HECTD4: variants seen among roughly 807,000 people sequenced by gnomAD.
HECTD4 encodes the protein HECT domain E3 ubiquitin protein ligase 4, also known as probable E3 ubiquitin-protein ligase HECTD4.
HECTD4 carries 114 observed loss-of-function variants against 471.5 expected under a neutral mutation model. That is an observed-to-expected ratio of 0.24 (90% CI 0.21 to 0.28). The LOEUF (loss-of-function observed/expected upper bound fraction) is 0.28. Among genes scored for constraint, HECTD4 ranks in the 10% least tolerant of loss-of-function variants. HECTD4 has a pLI of 1.00. For synonymous variants in HECTD4, 2,012 were observed against 2,256.0 expected (o/e 0.89, Z 3.07); for missense variants, 3,866 against 5,651.5 (o/e 0.68, Z 10.13).
At chr12:112,264,389 C>T (rs1209783515) in intron 16 of HECTD4, among the ~76,000 whole-genome samples, 177 bp from the exon 17 acceptor site, 1 of 152,142 alleles carries the variant, frequency 6.6e-6, no homozygotes, top group African/African-American at 2.4e-5. Context: ...TACTTTGACA[C>T]ACTTACTATA....
intron 52 of HECTD4, among the ~76,000 whole-genome samples, chr12:112,205,645 G>A (rs2032556471): frequency 6.6e-6 from 1 of 151,724 alleles, no homozygotes; most frequent in African/African-American, 2.4e-5. Flanking sequence ...AGGCTGGAGT[G>A]CAGTGGTGCA....
At chr12:112,249,310 C>G (rs1000842913) in intron 25 of HECTD4, among the ~76,000 whole-genome samples, 1 of 149,096 alleles carries the variant, frequency 6.7e-6, no homozygotes, top group African/African-American at 2.5e-5. Context: ...GCCAAGATCA[C>G]ATCACTGCAC....
At chr12:112,326,880 A>G (rs966829936) in intron 1 of HECTD4, among the ~76,000 whole-genome samples, 3 of 152,172 alleles carry the variant, frequency 2.0e-5, no homozygotes, top group African/African-American at 4.8e-5. Context: ...TATATATACA[A>G]ATATATATTT....
In HECTD4 at chr12:112,193,376, G is replaced by A; in HGVS notation, c.8955+93C>T. 2 of 1,364,852 alleles carry A rather than the reference G, an allele frequency of 1.5e-6. No homozygotes were observed. The highest frequency in any genetic ancestry group is 2.0e-6 in the Non-Finnish European group (2 of 980,418). 84.5% of individuals were successfully genotyped at this position (1,364,852 alleles called of 1,614,324 possible). On this transcript the variant is annotated intron_variant, in intron 57 of 75. Coordinates refer to ENST00000682272, the MANE Select transcript of HECTD4 (RefSeq NM_001388303.1). The surrounding 1 kb of genome is among the most constrained non-coding windows in gnomAD (Gnocchi z 5.2). Reference sequence around the variant, plus strand: ...AGGAAATCGAGAGGAATAGGGACTTGGAAGGGAAAGGGGAGTCATTTTCAG... The same window carrying A: ...AGGAAATCGAGAGGAATAGGGACTTAGAAGGGAAAGGGGAGTCATTTTCAG...
intron 7 of HECTD4, among the ~76,000 whole-genome samples, chr12:112,284,398 G>A (rs1264610508): frequency 6.6e-6 from 1 of 152,188 alleles, no homozygotes; most frequent in East Asian, 1.9e-4. Context: ...GGGAATGGGA[G>A]TGCAAAGTGG....
chr12:112,277,708 C>T (rs1008437016), intron 9 of HECTD4, among the ~76,000 whole-genome samples: 1 of 152,216 alleles, frequency 6.6e-6, no homozygotes, highest in African/African-American at 2.4e-5. Flanking sequence ...AGAGAATACT[C>T]TCCATCTCTT....
rs78244729 is a variant in HECTD4 at position 112,258,373 on chromosome 12, T to C, written c.3128+123A>G. ...CTACAGTTATCTAAAATTTTCATTC[T>C]GAAGTCTTTTTCTTTTCACAGCTAG... On this transcript the variant is annotated intron_variant, in intron 20 of 75. Transcript: ENST00000682272. 358 of 623,070 alleles carry C rather than the reference T, an allele frequency of 5.7e-4. 5 individuals carry two copies. The East Asian group carries it at 0.011, about 19-fold the overall frequency. 38.6% of individuals were successfully genotyped at this position (623,070 alleles called of 1,614,324 possible).
rs528032796 is a variant in HECTD4 at position 112,302,519 on chromosome 12, G to A, written c.1335+3545C>T. The A allele has an allele frequency of 6.8e-6, 5 of 731,520 alleles. No homozygotes were observed. In the East Asian group the frequency reaches 7.5e-5, roughly 11 times the overall value. 45.3% of individuals were successfully genotyped at this position (731,520 alleles called of 1,614,324 possible). A position where few individuals can be genotyped will look rare whatever the true frequency, so the allele number is the denominator to read the frequency against. ...GCGGGCCATTTCACAAAGTAGGTGA[G>A]TTCTCTTTTGGGCTGGATGTCCTGT... On this transcript the variant is annotated intron_variant, in intron 7 of 75. Transcript: ENST00000682272.
Position 112,221,382 on chromosome 12 carries a change from G to A in HECTD4, c.6971-1893C>T, listed in dbSNP as rs544811537. ...TCCCACCTCAGCCTCCCGAGTAGCT[G>A]GGACTACAAGTATCTACCACCATGC... On this transcript the variant is annotated intron_variant, in intron 44 of 75. Coordinates refer to ENST00000682272, the MANE Select transcript of HECTD4 (RefSeq NM_001388303.1). 1.1e-3 allele frequency among the ~76,000 whole-genome samples: 172 copies of A among 152,162 alleles called. 1 individual carries two copies. In the South Asian group the frequency reaches 0.015, roughly 13 times the overall value.
chr12:112,171,124 C>T lies in HECTD4; in HGVS notation c.11925G>A (p.Glu3975=), dbSNP rs770265926. 3 of 1,613,022 alleles carry T rather than the reference C, an allele frequency of 1.9e-6. No individual in the cohort carries two copies. Among genetic ancestry groups the T allele is most frequent in the South Asian group, 2.2e-5 (2 of 90,830 alleles). ...YTHSIAALLK[E]AKGLIFYDTK... is the part of the protein sequence containing the mutation. ...GCAGGTGCAGGCACTGACCTTTGGCCTCCTTCAGCAGGGCGGCGATGCTGT... is the reference window on the plus strand; with the variant it reads ...GCAGGTGCAGGCACTGACCTTTGGCTTCCTTCAGCAGGGCGGCGATGCTGT... Residue 3975 remains glutamate, a synonymous_variant, in exon 68 of 76, where the codon GAG becomes GAA. Coordinates refer to ENST00000682272, the MANE Select transcript of HECTD4 (RefSeq NM_001388303.1).
In HECTD4 at chr12:112,250,133, C is replaced by G. The variant is rs1384177536; in HGVS notation, c.3950+11G>C. 5 of 1,591,260 alleles carry G rather than the reference C, an allele frequency of 3.1e-6. No individual in the cohort carries two copies. The highest frequency in any genetic ancestry group is 1.7e-5 in the Admixed American group (1 of 59,302). ...CCATTGGGAAAAGTAAAACACTACA[C>G]AGCAACATACTTTATACTTGGTCTA... On this transcript the variant is annotated intron_variant, in intron 25 of 75. Coordinates refer to ENST00000682272, the MANE Select transcript of HECTD4 (RefSeq NM_001388303.1).
chr12:112,381,920 C>G lies in HECTD4; in HGVS notation c.177+32G>C, dbSNP rs2135778765. The G allele has an allele frequency of 8.2e-7, 1 of 1,218,896 alleles. No homozygotes were observed. Among genetic ancestry groups the G allele is most frequent in the East Asian group, 3.2e-5 (1 of 30,926 alleles). 75.5% of individuals were successfully genotyped at this position (1,218,896 alleles called of 1,614,324 possible). A position where few individuals can be genotyped will look rare whatever the true frequency, so the allele number is the denominator to read the frequency against. ...GGGGTGCCGGGCGAGTGGGTCAGTCCGATGGCGGGGGCCGGGGGCCGCCTC... is the reference window on the plus strand; with the variant it reads ...GGGGTGCCGGGCGAGTGGGTCAGTCGGATGGCGGGGGCCGGGGGCCGCCTC... On this transcript the variant is annotated intron_variant, in intron 1 of 75. Coordinates refer to ENST00000682272, the MANE Select transcript of HECTD4 (RefSeq NM_001388303.1). This position sits in a 1 kb window ranked among gnomAD's most constrained non-coding sequence, Gnocchi z 4.1.
At chr12:112,347,930 C>T (rs1331781246) in intron 1 of HECTD4, among the ~76,000 whole-genome samples, 1 of 152,168 alleles carries the variant, frequency 6.6e-6, no homozygotes, top group Admixed American at 6.5e-5. Context: ...GAATTCCATG[C>T]TTGAGCTTTT....
intron 7 of HECTD4, among the ~76,000 whole-genome samples, chr12:112,299,651 CAAACAAAGT>C (rs1408332224): frequency 6.8e-6 from 1 of 147,334 alleles, no homozygotes; most frequent in African/African-American, 2.5e-5. Context: ...AACAAACAAA[CAAACAAAGT>C]AAACTAAGAC....
chr12:112,310,428 C>T (rs1412052208), intron 4 of HECTD4, among the ~76,000 whole-genome samples: 2 of 152,156 alleles, frequency 1.3e-5, no homozygotes, highest in Non-Finnish European at 2.9e-5. Context: ...AAAACAGTAT[C>T]TCTCTATATG....
Position 112,259,236 on chromosome 12 carries a change from G to A in HECTD4, c.2903C>T (p.Ala968Val), listed in dbSNP as rs536169533. 1 of 1,613,908 alleles carries A rather than the reference G, an allele frequency of 6.2e-7. No homozygotes were observed. Among genetic ancestry groups the A allele is most frequent in the African/African-American group, 1.3e-5 (1 of 75,066 alleles). ...TGGAAGAAGGTGACCAAGCATAGTAGCCTTAGTAACTTGTTCCAAGCCTTT... is the reference window on the plus strand; with the variant it reads ...TGGAAGAAGGTGACCAAGCATAGTAACCTTAGTAACTTGTTCCAAGCCTTT... ...RLKGLEQVTK[A>V]TMLGHLLPVL... Residue 968 changes from alanine to valine, a missense_variant, in exon 19 of 76, where the codon GCT becomes GTT. Around this residue, in one of 16 missense-constraint regions of HECTD4, gnomAD observed 525 missense variants for 672.6 expected, o/e 0.78. Transcript: ENST00000682272.
chr12:112,324,171 G>T (rs923741600), intron 1 of HECTD4, among the ~76,000 whole-genome samples: 1 of 144,998 alleles, frequency 6.9e-6, no homozygotes, highest in African/African-American at 2.6e-5. Flanking sequence ...CTGGAGTACA[G>T]TGGTGCAATC....
rs529131490 is a variant in HECTD4, at chr12:112,381,600, G to A, written c.177+352C>T. On this transcript the variant is annotated intron_variant, in intron 1 of 75. Transcript: ENST00000682272. This position sits in a 1 kb window ranked among gnomAD's most constrained non-coding sequence, Gnocchi z 4.1. ...GTGTGCCCTGGAAGTGGGTCCTGGGGGCCCGTGGGGGAGGGGAGGGAGGGC... is the reference window on the plus strand; with the variant it reads ...GTGTGCCCTGGAAGTGGGTCCTGGGAGCCCGTGGGGGAGGGGAGGGAGGGC... Among the ~76,000 whole-genome samples the A allele has an allele frequency of 6.6e-6, 1 of 152,348 alleles. No individual in the cohort carries two copies. Among genetic ancestry groups the A allele is most frequent in the South Asian group, 2.1e-4 (1 of 4,832 alleles).
intron 66 of HECTD4, 38 bp from the exon 67 acceptor site, chr12:112,172,899 C>G (rs568459748): frequency 1.3e-6 from 2 of 1,563,048 alleles, no homozygotes; most frequent in Admixed American, 3.3e-5. Context: ...CAAAGTGAGG[C>G]AGGGCACACC....
Sources: allele counts gnomAD v4.1 joint callset (sites outside exome capture counted in the v4.1 genomes callset), GRCh38; gene constraint gnomAD v4.1.1; regional missense constraint gnomAD v4.1.1; non-coding constraint Gnocchi (gnomAD v3.1); transcripts MANE v1.5; gene names NCBI Gene and HGNC (gene_info 2026-07-23, HGNC 2026-07-21).